Variants in LRIG2 observed in about 807,000 individuals in gnomAD.
LRIG2 encodes leucine rich repeats and immunoglobulin like domains 2.
A neutral mutation model predicts 107.8 loss-of-function variants in LRIG2; 93 were observed. The observed-to-expected ratio is 0.86, with a 90% CI of 0.73 to 1.03. The LOEUF is 1.03. Among genes scored for constraint, LRIG2 ranks in the 50% least tolerant of loss-of-function variants. LRIG2 has a pLI of 0.00. For synonymous variants in LRIG2, 471 were observed against 470.6 expected (o/e 1.00, Z -0.01); for missense variants, 1,226 against 1,296.0 (o/e 0.95, Z 0.83).
In LRIG2 at chr1:113,095,992, G is replaced by T; in HGVS notation, c.922G>T (p.Glu308Ter). ...TGAAAGAATCAGCCCTGATGCATGGGAGTTCTGCCAAAGACTATCCGAACT... is the reference window on the plus strand; with the variant it reads ...TGAAAGAATCAGCCCTGATGCATGGTAGTTCTGCCAAAGACTATCCGAACT... ...AIERISPDAW[E>*]FCQRLSELDL... Residue 308 changes from glutamate to a stop codon, truncating the protein, a stop_gained, in exon 7 of 18, where the codon GAG becomes TAG. Transcript: ENST00000361127. LOFTEE classifies it high-confidence loss of function. 1 of 1,614,186 alleles carries T rather than the reference G, an allele frequency of 6.2e-7. No homozygotes were observed. The highest frequency in any genetic ancestry group is 8.5e-7 in the Non-Finnish European group (1 of 1,180,042).
rs1037017216 is a variant in LRIG2, at chr1:113,110,152, G to A, written c.1478-90G>A. On this transcript the variant is annotated intron_variant, in intron 12 of 17. Transcript: ENST00000361127. ...ACTTTAATATGCCACTTTGTAAACA[G>A]AACACACAATTTTATAGTATTTTTT... 3 of 915,186 alleles carry A rather than the reference G, an allele frequency of 3.3e-6. No homozygotes were observed. The African/African-American group carries it at 5.1e-5, about 15-fold the overall frequency. 56.7% of individuals were successfully genotyped at this position (915,186 alleles called of 1,614,324 possible).
At chr1:113,114,913 T>C in intron 15 of LRIG2, 37 bp downstream of exon 15, 2 of 1,492,646 alleles carry the variant, frequency 1.3e-6, no homozygotes, top group Non-Finnish European at 1.8e-6. Flanking sequence ...GGCTTGTACT[T>C]CAGTCAAGAA....
rs1271052084 is a variant in LRIG2 at position 113,091,370 on chromosome 1, A to C, written c.292A>C (p.Thr98Pro). 1 of 1,594,976 alleles carries C rather than the reference A, an allele frequency of 6.3e-7. No individual in the cohort carries two copies. The highest frequency in any genetic ancestry group is 2.3e-5 in the East Asian group (1 of 44,438). ...SNWNISLESQ[T>P]LQEVKMNYNE... ...CTGGAACATCAGCTTGGAATCACAAACATTACAGGAAGTGTAAGTTATTTT... is the reference window on the plus strand; with the variant it reads ...CTGGAACATCAGCTTGGAATCACAACCATTACAGGAAGTGTAAGTTATTTT... Residue 98 changes from threonine (T) to proline (P), a missense_variant, in exon 2 of 18, where the codon ACA (threonine) becomes CCA (proline). Around this residue, in one of 3 missense-constraint regions of LRIG2, gnomAD observed 570 missense variants for 550.2 expected, o/e 1.04. Coordinates refer to ENST00000361127, the MANE Select transcript of LRIG2 (RefSeq NM_014813.3).
intron 1 of LRIG2, among the ~76,000 whole-genome samples, chr1:113,083,784 T>C (rs1653397660): frequency 7.0e-6 from 1 of 142,112 alleles, no homozygotes; most frequent in South Asian, 2.2e-4. Flanking sequence ...CTTGGAGAGC[T>C]TTTACAAAAT....
chr1:113,107,931 G>A (rs1204320409), intron 12 of LRIG2, 174 bp downstream of exon 12: 2 of 592,162 alleles, frequency 3.4e-6, no homozygotes, highest in Non-Finnish European at 5.7e-6. Context: ...CTTTTAGAGG[G>A]ACTGTTAACC....
At chr1:113,119,154 A>G in intron 16 of LRIG2, 79 bp from the exon 17 acceptor site, 1 of 1,373,970 alleles carries the variant, frequency 7.3e-7, no homozygotes, top group Non-Finnish European at 1.0e-6. Flanking sequence ...TGATGATGAC[A>G]ACTTTTGAAG....
At chr1:113,074,802 G>T (rs1043636831) in intron 1 of LRIG2, among the ~76,000 whole-genome samples, 4 of 151,492 alleles carry the variant, frequency 2.6e-5, no homozygotes, top group African/African-American at 7.3e-5. Context: ...CCAGCTACTC[G>T]GGAGGCTGAG....
intron 8 of LRIG2, 87 bp downstream of exon 8, chr1:113,096,452 G>A: frequency 7.3e-7 from 1 of 1,376,320 alleles, no homozygotes; most frequent in Non-Finnish European, 1.0e-6. Context: ...TAATCAGTCT[G>A]CAAATTCTGT....
At position 113,095,897 on chromosome 1, in the gene LRIG2, C is replaced by G. The variant is rs1281308886; in HGVS notation, c.827C>G (p.Thr276Arg). The change falls in exon 7 of 18, where the codon ACA becomes AGA. Residue 276 changes from threonine to arginine, a missense_variant. By Grantham distance (71) the Thr-to-Arg change is moderately conservative. This residue lies in a region of LRIG2 where 570 missense variants were observed against 550.2 expected (regional missense o/e 1.04). Coordinates refer to ENST00000361127, the MANE Select transcript of LRIG2 (RefSeq NM_014813.3). ...AGAGAACTGGAACACAACAACCTTACACGAGTAAACAAGGGGTGGTTGTAT... is the reference window on the plus strand; with the variant it reads ...AGAGAACTGGAACACAACAACCTTAGACGAGTAAACAAGGGGTGGTTGTAT... ...EELELEHNNLTRVNKGWLYGL... is the reference protein window; with the variant it reads ...EELELEHNNLRRVNKGWLYGL... 6.2e-7 allele frequency: 1 copy of G among 1,614,184 alleles called. No individual in the cohort carries two copies. Among genetic ancestry groups the G allele is most frequent in the Non-Finnish European group, 8.5e-7 (1 of 1,180,040 alleles).
At position 113,129,321 on chromosome 1, in the gene LRIG2, A is replaced by AAAAC. The variant is rs1557928528; in HGVS notation, c.*5223_*5224insCAAA. On this transcript the variant is annotated 3_prime_UTR_variant, in exon 18 of 18. Coordinates refer to ENST00000361127, the MANE Select transcript of LRIG2 (RefSeq NM_014813.3). Reference sequence around the variant, plus strand: ...TGAGACTCCGTCTCAAAAAAAAAAAAAAAAAAACCCGTGTAGGAGTACTGC... The same window carrying AAAAC: ...TGAGACTCCGTCTCAAAAAAAAAAAAAAACAAAAAAACCCGTGTAGGAGTACTGC... The AAAAC allele has an allele frequency of 6.6e-6, 1 of 151,200 alleles. No individual in the cohort carries two copies. The highest frequency in any genetic ancestry group is 1.5e-5 in the Non-Finnish European group (1 of 67,924). 9.4% of individuals were successfully genotyped at this position (151,200 alleles called of 1,614,324 possible). A position where few individuals can be genotyped will look rare whatever the true frequency, so the allele number is the denominator to read the frequency against.
At chr1:113,086,167 C>T (rs1653543209) in intron 1 of LRIG2, among the ~76,000 whole-genome samples, 1 of 151,874 alleles carries the variant, frequency 6.6e-6, no homozygotes, top group Non-Finnish European at 1.5e-5. Context: ...CCACACCTGG[C>T]TAATTTTTTA....
At chr1:113,078,300 G>T (rs1324615790) in intron 1 of LRIG2, among the ~76,000 whole-genome samples, 1 of 151,432 alleles carries the variant, frequency 6.6e-6, no homozygotes, top group Non-Finnish European at 1.5e-5. Context: ...GTGTAGTGGT[G>T]GGATCTTGGT....
At chr1:113,078,743 C>T (rs1338124777) in intron 1 of LRIG2, among the ~76,000 whole-genome samples, 4 of 151,360 alleles carry the variant, frequency 2.6e-5, no homozygotes, top group East Asian at 1.9e-4. Flanking sequence ...CAGGTTCAAA[C>T]GCTTCTCCTG....
At position 113,110,345 on chromosome 1, in the gene LRIG2, A is replaced by G; in HGVS notation, c.1581A>G (p.Ser527=). ...LTCTAVSSSD[S]PMSTVWRKDS... ...GCACTGCAGTGAGCAGCAGTGATTC[A>G]CCCATGTCCACTGTGTGGCGCAAAG... Residue 527 remains serine, a synonymous_variant, in exon 13 of 18, where the codon TCA becomes TCG. Coordinates refer to ENST00000361127, the MANE Select transcript of LRIG2 (RefSeq NM_014813.3). 6.2e-7 allele frequency: 1 copy of G among 1,614,124 alleles called. No individual in the cohort carries two copies. The highest frequency in any genetic ancestry group is 8.5e-7 in the Non-Finnish European group (1 of 1,180,010).
intron 9 of LRIG2, among the ~76,000 whole-genome samples, chr1:113,099,730 A>C (rs1654227902): frequency 6.6e-6 from 1 of 152,108 alleles, no homozygotes; most frequent in Admixed American, 6.5e-5. Context: ...ATTGTAGGAG[A>C]TTTGTGAGTA....
At chr1:113,077,206 C>G (rs1240903381) in intron 1 of LRIG2, among the ~76,000 whole-genome samples, 1 of 151,716 alleles carries the variant, frequency 6.6e-6, no homozygotes, top group Non-Finnish European at 1.5e-5. Context: ...GTGAAGCAGC[C>G]TGATCTCGGC....
rs898663225 is a variant in LRIG2, at chr1:113,126,219, C to T, written c.*2118C>T. ...CTCATGTTGCTGAGTTCTAGAAAAT[C>T]TCTGTCTCATTTACCAGGGGTCATT... On this transcript the variant is annotated 3_prime_UTR_variant, in exon 18 of 18. Transcript: ENST00000361127. 8 of 152,188 alleles carry T rather than the reference C, an allele frequency of 5.3e-5. No individual in the cohort carries two copies. Among genetic ancestry groups the T allele is most frequent in the African/African-American group, 1.9e-4 (8 of 41,454 alleles). The allele number at this position is 152,188 out of a possible 1,614,324, so 9.4% of individuals were successfully genotyped here.
rs750047718 is a variant in LRIG2, at chr1:113,114,449, C to T, written c.2103C>T (p.Pro701=). ...TVLETPSFIR[P]LEDKTVTRGE... Reference sequence around the variant, plus strand: ...TAGAGACACCCTCATTTATTAGACCCCTGGAGGATAAGACAGTAACACGAG... The same window carrying T: ...TAGAGACACCCTCATTTATTAGACCTCTGGAGGATAAGACAGTAACACGAG... The change falls in exon 15 of 18, where the codon CCC becomes CCT. Residue 701 remains proline, a synonymous_variant. Transcript: ENST00000361127. The T allele has an allele frequency of 9.3e-6, 15 of 1,609,130 alleles. No homozygotes were observed. The Admixed American group carries it at 2.5e-4, about 27-fold the overall frequency.
At chr1:113,116,937 T>A (rs1655044163) in intron 16 of LRIG2, among the ~76,000 whole-genome samples, 2 of 152,134 alleles carry the variant, frequency 1.3e-5, no homozygotes, top group African/African-American at 4.8e-5. Context: ...AGTGCACCTA[T>A]GAATAGCCAC....
Sources: gnomAD v4.1 joint callset for allele counts (sites outside exome capture counted in the v4.1 genomes callset) on GRCh38, gnomAD v4.1.1 for gene constraint, gnomAD v4.1.1 regional missense constraint, MANE v1.5 for transcripts, NCBI Gene and HGNC (gene_info 2026-07-23, HGNC 2026-07-21) for gene names.